BAALC: variants seen among roughly 807,000 people sequenced by gnomAD.
BAALC encodes the protein brain and acute leukemia cytoplasmic protein.
A neutral mutation model predicts 15.5 loss-of-function variants in BAALC; 9 were observed. That is an observed-to-expected ratio of 0.58 (90% CI 0.35 to 1.02). BAALC has a LOEUF of 1.02. Among genes scored for constraint, BAALC ranks in the 50% least tolerant of loss-of-function variants. BAALC has a pLI of 0.02. For synonymous variants in BAALC, 80 were observed against 74.6 expected (o/e 1.07, Z -0.37); for missense variants, 201 against 192.4 (o/e 1.04, Z -0.27).
rs1195400349 is a variant in BAALC at position 103,212,911 on chromosome 8, T to A, written c.161-8T>A. 1 of 1,608,612 alleles carries A rather than the reference T, an allele frequency of 6.2e-7. No individual in the cohort carries two copies. Among genetic ancestry groups the A allele is most frequent in the South Asian group, 1.1e-5 (1 of 90,518 alleles). On this transcript the variant is annotated splice_polypyrimidine_tract_variant and splice_region_variant and intron_variant, in intron 1 of 2. Transcript: ENST00000309982. ...CTTCTGGTTCCATCCTCTGCTTACC[T>A]CCCCCAGGCATGCTGGAAGATGGAC...
intron 1 of BAALC, chr8:103,183,303 TCTTATTTCC>T: frequency 1.4e-6 from 1 of 701,194 alleles, no homozygotes; most frequent in South Asian, 1.5e-5. Context: ...ACATGGAATG[TCTTATTTCC>T]CTTTTGAGTC....
At chr8:103,183,960 TAGA>T (rs1232070306) in intron 1 of BAALC, among the ~76,000 whole-genome samples, 8 of 152,234 alleles carry the variant, frequency 5.3e-5, no homozygotes, top group African/African-American at 1.9e-4. Context: ...CTCCATAGGT[TAGA>T]AGCCTGATAT....
intron 1 of BAALC, among the ~76,000 whole-genome samples, chr8:103,184,776 G>A (rs1262713247): frequency 1.3e-5 from 2 of 152,244 alleles, no homozygotes; most frequent in Non-Finnish European, 2.9e-5. Flanking sequence ...GCAACCAGAT[G>A]TGGTGACTCA....
chr8:103,230,101 G>GTCTC lies in BAALC; in HGVS notation c.*2002_*2003insTCTC. 1 of 152,292 alleles carries GTCTC rather than the reference G, an allele frequency of 6.6e-6. No individual in the cohort carries two copies. Among genetic ancestry groups the GTCTC allele is most frequent in the South Asian group, 2.1e-4 (1 of 4,828 alleles). The allele number at this position is 152,292 out of a possible 1,614,324, so 9.4% of individuals were successfully genotyped here. A position where few individuals can be genotyped will look rare whatever the true frequency, so the allele number is the denominator to read the frequency against. ...ACACTTTCTCACTTACAGGGGAGAA[G>GTCTC]GAAATGCAGGGCACATGATCTGGCC... On this transcript the variant is annotated 3_prime_UTR_variant, in exon 3 of 3. Transcript: ENST00000309982.
chr8:103,185,510 A>G (rs1811815449), intron 1 of BAALC, among the ~76,000 whole-genome samples: 1 of 152,234 alleles, frequency 6.6e-6, no homozygotes, highest in Non-Finnish European at 1.5e-5. Flanking sequence ...CAAAGTATAA[A>G]GATATCAACA....
chr8:103,225,027 T>C (rs1812773587), intron 2 of BAALC, among the ~76,000 whole-genome samples: 3 of 152,192 alleles, frequency 2.0e-5, no homozygotes, highest in Non-Finnish European at 4.4e-5. Context: ...TAACAAGAGA[T>C]GCTTAGTTTC....
intron 1 of BAALC, among the ~76,000 whole-genome samples, chr8:103,178,170 G>T (rs2129964807): frequency 6.6e-6 from 1 of 152,304 alleles, no homozygotes; most frequent in South Asian, 2.1e-4. Context: ...CAAATAAATA[G>T]TGAGCAGGTA....
chr8:103,194,123 G>A (rs1169202608), intron 1 of BAALC, among the ~76,000 whole-genome samples: 3 of 152,138 alleles, frequency 2.0e-5, no homozygotes, highest in East Asian at 3.8e-4. Flanking sequence ...ATGAAGCAGG[G>A]AGAGATTTTC....
chr8:103,200,726 G>A (rs1358981304), intron 1 of BAALC: 1 of 700,702 alleles, frequency 1.4e-6, no homozygotes, highest in Non-Finnish European at 2.6e-6. Context: ...CTTGTTCTCT[G>A]CTTCAAAGAT....
intron 2 of BAALC, among the ~76,000 whole-genome samples, chr8:103,220,382 C>T (rs1812650603): frequency 6.6e-6 from 1 of 152,190 alleles, no homozygotes; most frequent in Non-Finnish European, 1.5e-5. Context: ...TAGGAAAGTT[C>T]TGGGACACTG....
At chr8:103,148,519 G>C (rs1001940296) in intron 1 of BAALC, among the ~76,000 whole-genome samples, 1 of 152,200 alleles carries the variant, frequency 6.6e-6, no homozygotes, top group Non-Finnish European at 1.5e-5. Context: ...TTTATCTTTT[G>C]AGTTGCAAAC....
At chr8:103,221,349 T>G (rs1345779843) in intron 2 of BAALC, among the ~76,000 whole-genome samples, 1 of 151,740 alleles carries the variant, frequency 6.6e-6, no homozygotes, top group Admixed American at 6.6e-5. Context: ...TTAACAAGAG[T>G]CAATGGTGAT....
chr8:103,181,333 C>T (rs573592839), intron 1 of BAALC, among the ~76,000 whole-genome samples: 13 of 152,174 alleles, frequency 8.5e-5, no homozygotes, highest in Admixed American at 5.9e-4. Flanking sequence ...AGTGCAGTGG[C>T]GCAATCTCAG....
chr8:103,198,095 T>C (rs1318196852), intron 1 of BAALC: 1 of 701,420 alleles, frequency 1.4e-6, no homozygotes, highest in Non-Finnish European at 2.6e-6. Context: ...ACATGTACTG[T>C]TAGGGTGCCT....
At chr8:103,170,742 T>A (rs1811464171) in intron 1 of BAALC, among the ~76,000 whole-genome samples, 1 of 152,222 alleles carries the variant, frequency 6.6e-6, no homozygotes. Flanking sequence ...TGGTTCTTTG[T>A]TACAGCAGTC....
chr8:103,197,431 T>C (rs1259211466), intron 1 of BAALC, among the ~76,000 whole-genome samples: 2 of 152,228 alleles, frequency 1.3e-5, no homozygotes, highest in Non-Finnish European at 1.5e-5. Flanking sequence ...TCCAACTCCA[T>C]GATCTTAGAT....
At chr8:103,200,026 T>C (rs535110115) in intron 1 of BAALC, among the ~76,000 whole-genome samples, 36 of 152,316 alleles carry the variant, frequency 2.4e-4, no homozygotes, top group African/African-American at 7.9e-4. Flanking sequence ...CTATGGTGTA[T>C]ATATACAACA....
At chr8:103,171,721 G>C (rs986485206) in intron 1 of BAALC, among the ~76,000 whole-genome samples, 1 of 152,166 alleles carries the variant, frequency 6.6e-6, no homozygotes, top group Non-Finnish European at 1.5e-5. Flanking sequence ...ACAATGATAA[G>C]AGCCCCAGGA....
rs1241617216 is a variant in BAALC, at chr8:103,198,066, C to A, written c.161-14853C>A. The A allele has an allele frequency of 8.7e-6, 6 of 693,104 alleles. No individual in the cohort carries two copies. In the Admixed American group the frequency reaches 1.3e-4, roughly 14 times the overall value. 42.9% of individuals were successfully genotyped at this position (693,104 alleles called of 1,614,324 possible). A position where few individuals can be genotyped will look rare whatever the true frequency, so the allele number is the denominator to read the frequency against. ...ATATCCCACAGTTTCTTACGAACAA[C>A]TATAATTTTTTTCCATCTACATGTA... is the stretch of plus-strand genomic sequence containing the variant. On this transcript the variant is annotated intron_variant, in intron 1 of 2. Transcript: ENST00000309982.
Sources: gnomAD v4.1 joint callset for allele counts (sites outside exome capture counted in the v4.1 genomes callset) on GRCh38, gnomAD v4.1.1 for gene constraint, MANE v1.5 for transcripts, NCBI Gene and HGNC (gene_info 2026-07-23, HGNC 2026-07-21) for gene names.